GLRA2: variants seen among roughly 807,000 people sequenced by gnomAD.
GLRA2 encodes glycine receptor subunit alpha-2.
A neutral mutation model predicts 31.6 loss-of-function variants in GLRA2; 11 were observed. That is an observed-to-expected ratio of 0.35 (90% confidence interval 0.22 to 0.58). GLRA2 has a LOEUF of 0.58. GLRA2 is among the 20% of genes least tolerant of loss of function. The pLI, the probability that GLRA2 is intolerant of heterozygous loss-of-function variation, is 0.84. For synonymous variants in GLRA2, 132 were observed against 134.0 expected, an observed-to-expected ratio of 0.99 and a Z score of 0.10; for missense variants, 212 against 351.8, an observed-to-expected ratio of 0.60 and a Z score of 3.18.
chrX:14,545,324 A>G (rs1162444095), intron 2 of GLRA2, among the ~76,000 whole-genome samples: 1 of 111,483 alleles, frequency 9.0e-6, no homozygotes, highest in Non-Finnish European at 1.9e-5. Flanking sequence ...GCAAGAGGGC[A>G]TAAGGAAGAA....
At chrX:14,489,472 C>A in the GLRA2 span, among the ~76,000 whole-genome samples, 142 of 111,744 alleles carry the variant, frequency 1.3e-3, no homozygotes, top group African/African-American at 4.6e-3. Flanking sequence ...ATTTATTGGA[C>A]AAAAAGGAAG....
chrX:14,453,063 T>C, the GLRA2 span, among the ~76,000 whole-genome samples: 2 of 111,629 alleles, frequency 1.8e-5, no homozygotes, highest in Non-Finnish European at 3.8e-5. Context: ...CGTAGCAGGT[T>C]TATAATCTTA....
chrX:14,532,445 T>A (rs1271494036), intron 2 of GLRA2, 73 bp downstream of exon 2: 1 of 594,563 alleles, frequency 1.7e-6, no homozygotes, highest in African/African-American at 2.3e-5. Context: ...CTGAAAAACA[T>A]TTTCAGGGCT....
At chrX:14,484,509 G>T in the GLRA2 span, among the ~76,000 whole-genome samples, 1 of 112,144 alleles carries the variant, frequency 8.9e-6, no homozygotes, top group Non-Finnish European at 1.9e-5. Flanking sequence ...ATAATTTCAT[G>T]AATGCATAGG....
At chrX:14,536,732 C>G (rs1248927233) in intron 2 of GLRA2, among the ~76,000 whole-genome samples, 2 of 110,638 alleles carry the variant, frequency 1.8e-5, no homozygotes, top group Non-Finnish European at 3.8e-5. Context: ...ATCAAGAGGC[C>G]TGAGGTAAAT....
At chrX:14,506,031 T>C in the GLRA2 span, among the ~76,000 whole-genome samples, 2 of 111,060 alleles carry the variant, frequency 1.8e-5, no homozygotes, top group Non-Finnish European at 3.8e-5. Context: ...CTCAATTATC[T>C]CTCCCTCCCT....
intron 2 of GLRA2, among the ~76,000 whole-genome samples, chrX:14,570,071 T>A (rs1260643772): frequency 9.0e-6 from 1 of 111,599 alleles, no homozygotes; most frequent in African/African-American, 3.3e-5. Flanking sequence ...TAAAGTAGAT[T>A]AGAGGTTACC....
chrX:14,563,432 G>A (rs1024871463), intron 2 of GLRA2, among the ~76,000 whole-genome samples: 1 of 112,361 alleles, frequency 8.9e-6, no homozygotes, highest in African/African-American at 3.2e-5. Flanking sequence ...GTTTTGGAAA[G>A]TCACTAAGCA....
rs1007237636 is a variant in GLRA2, at chrX:14,721,847, T to C, written c.1081-8360T>C. On this transcript the variant is annotated intron_variant, in intron 8 of 8. Coordinates refer to ENST00000218075, the MANE Select transcript of GLRA2 (RefSeq NM_002063.4). ...CAAGCAGCATCCTCAGTGCTCTATC[T>C]GGAAATCTCCTTAGGTAGATGATGA... Among the ~76,000 whole-genome samples the C allele has an allele frequency of 3.6e-5, 4 of 111,744 alleles. No individual in the cohort carries two copies. The South Asian group carries it at 1.5e-3, about 42-fold the overall frequency.
At chrX:14,715,705 C>T (rs1490605410) in intron 8 of GLRA2, among the ~76,000 whole-genome samples, 1 of 111,169 alleles carries the variant, frequency 9.0e-6, no homozygotes, top group African/African-American at 3.3e-5. Flanking sequence ...GAGGATTATT[C>T]TATATAAAGG....
At chrX:14,541,496 A>G (rs2089403128) in intron 2 of GLRA2, among the ~76,000 whole-genome samples, 1 of 112,013 alleles carries the variant, frequency 8.9e-6, no homozygotes, top group Non-Finnish European at 1.9e-5. Context: ...AGAAGGTAAT[A>G]CAATGTATCT....
the GLRA2 span, among the ~76,000 whole-genome samples, chrX:14,450,082 G>C: frequency 1.8e-5 from 2 of 112,030 alleles, no homozygotes; most frequent in South Asian, 7.5e-4. Context: ...TCCTGAGGCA[G>C]ATGCCAGAGA....
intron 2 of GLRA2, among the ~76,000 whole-genome samples, chrX:14,567,394 A>G (rs1225505652): frequency 8.9e-6 from 1 of 112,280 alleles, no homozygotes; most frequent in Non-Finnish European, 1.9e-5. Flanking sequence ...CAAAATTCCA[A>G]CATCCTTTAA....
chrX:14,696,695 C>A (rs2091452185), intron 8 of GLRA2, among the ~76,000 whole-genome samples: 1 of 111,612 alleles, frequency 9.0e-6, no homozygotes, highest in Admixed American at 9.5e-5. Flanking sequence ...TTCAGAGACG[C>A]CAAAGGATCT....
At chrX:14,676,327 T>C (rs896840950) in intron 7 of GLRA2, among the ~76,000 whole-genome samples, 6 of 112,826 alleles carry the variant, frequency 5.3e-5, no homozygotes, top group Non-Finnish European at 1.1e-4. Context: ...TGAGGAATCA[T>C]TCCACTTAAA....
chrX:14,529,357 C>T (rs1318562256), upstream of GLRA2: 1 of 108,636 alleles, frequency 9.2e-6, no homozygotes, highest in African/African-American at 3.4e-5. Flanking sequence ...ATCGTACCCC[C>T]TTCAGTATCC....
intron 2 of GLRA2, among the ~76,000 whole-genome samples, chrX:14,538,050 G>A (rs892240193): frequency 2.8e-5 from 3 of 108,656 alleles, no homozygotes; most frequent in Non-Finnish European, 5.8e-5. Flanking sequence ...GTTTTTCAGG[G>A]ATTTGAAGTG....
the GLRA2 span, among the ~76,000 whole-genome samples, chrX:14,514,495 A>T: frequency 2.1e-4 from 23 of 111,858 alleles, no homozygotes; most frequent in Non-Finnish European, 5.6e-5. Context: ...TGAAGACAAC[A>T]TTTAAATTGT....
upstream of GLRA2, among the ~76,000 whole-genome samples, chrX:14,528,108 C>G (rs1277674118): frequency 8.9e-6 from 1 of 112,120 alleles, no homozygotes; most frequent in Non-Finnish European, 1.9e-5. Context: ...CATATAGACT[C>G]TTGCTACTCA....
Sources: allele counts gnomAD v4.1 joint callset (sites outside exome capture counted in the v4.1 genomes callset), GRCh38; gene constraint gnomAD v4.1.1; transcripts MANE v1.5; gene names NCBI Gene and HGNC (gene_info 2026-07-23, HGNC 2026-07-21).